The following GRID1 variants were observed in gnomAD, a reference collection of about 807,000 sequenced individuals.
The protein encoded by GRID1 is glutamate ionotropic receptor delta type subunit 1.
Under a neutral mutation model 98.0 loss-of-function variants are expected in GRID1, and 28 were observed. The observed-to-expected ratio is 0.29, with a 90% CI of 0.21 to 0.39. The LOEUF (loss-of-function observed/expected upper bound fraction) is 0.39, where lower values mean the gene tolerates loss of function less well. GRID1 is among the 10% of genes least tolerant of loss of function. The probability of loss-of-function intolerance (pLI) is 1.00; values close to 1 mark genes in which losing one functional copy is unlikely to be tolerated. For synonymous variants in GRID1, 553 were observed against 538.5 expected (o/e 1.03, Z -0.37); for missense variants, 1,111 against 1,340.5 (o/e 0.83, Z 2.67).
chr10:85,618,855 A>G (rs1432382767), intron 14 of GRID1, among the ~76,000 whole-genome samples: 1 of 152,242 alleles, frequency 6.6e-6, no homozygotes, highest in Non-Finnish European at 1.5e-5. Flanking sequence ...TCAGCAACCC[A>G]GATATCCTAG....
chr10:85,963,665 T>C (rs1842300230), intron 4 of GRID1, among the ~76,000 whole-genome samples: 2 of 152,202 alleles, frequency 1.3e-5, no homozygotes, highest in South Asian at 4.1e-4. Flanking sequence ...TCACCATGAT[T>C]CTCCTGGTCA....
chr10:85,685,988 G>T (rs558373046), intron 12 of GRID1, among the ~76,000 whole-genome samples: 1 of 152,084 alleles, frequency 6.6e-6, no homozygotes, highest in Admixed American at 6.6e-5. Context: ...TTCATGAATA[G>T]AAAAACCCAT....
chr10:86,169,592 C>A (rs1269003844), intron 3 of GRID1, among the ~76,000 whole-genome samples: 1 of 152,156 alleles, frequency 6.6e-6, no homozygotes, highest in South Asian at 2.1e-4. Flanking sequence ...GCACACAGGG[C>A]AACCCATAAG....
intron 4 of GRID1, among the ~76,000 whole-genome samples, chr10:85,956,663 CA>C (rs1226633109): frequency 6.6e-6 from 1 of 152,066 alleles, no homozygotes; most frequent in Non-Finnish European, 1.5e-5. Context: ...CAGCACTTTG[CA>C]AACTCTAATC....
chr10:85,686,129 T>G (rs1296628408), intron 12 of GRID1, among the ~76,000 whole-genome samples: 1 of 152,064 alleles, frequency 6.6e-6, no homozygotes, highest in Non-Finnish European at 1.5e-5. Flanking sequence ...AAGATAAGTG[T>G]GACAAGCACA....
intron 4 of GRID1, among the ~76,000 whole-genome samples, chr10:86,078,090 C>T (rs1455283847): frequency 2.0e-5 from 3 of 152,266 alleles, no homozygotes; most frequent in East Asian, 1.9e-4. Context: ...GGCCGGCACT[C>T]ATGCCTCCCT....
At position 86,078,949 on chromosome 10, in the gene GRID1, G is replaced by A. The variant is rs145271155; in HGVS notation, c.726+59870C>T. Among the ~76,000 whole-genome samples, 1,400 of 152,300 alleles carry A rather than the reference G, an allele frequency of 9.2e-3. 17 individuals carry two copies. Among genetic ancestry groups the A allele is most frequent in the Middle Eastern group, 0.017 (5 of 294 alleles). ...TATGTCAGAAGCTGTGTAGACTCAGGTCCACCCTTAAGGGGGCTCAACAGG... is the reference window on the plus strand; with the variant it reads ...TATGTCAGAAGCTGTGTAGACTCAGATCCACCCTTAAGGGGGCTCAACAGG... On this transcript the variant is annotated intron_variant, in intron 4 of 15. Transcript: ENST00000327946.
chr10:86,312,745 C>T (rs1467666104), intron 2 of GRID1, among the ~76,000 whole-genome samples: 1 of 152,242 alleles, frequency 6.6e-6, no homozygotes, highest in East Asian at 1.9e-4. Context: ...ACCTGCACCA[C>T]CCCAGGGGAT....
At chr10:85,831,662 C>T (rs941749335) in intron 8 of GRID1, among the ~76,000 whole-genome samples, 13 of 151,890 alleles carry the variant, frequency 8.6e-5, no homozygotes, top group Admixed American at 2.0e-4. Context: ...ACCAAAAAAA[C>T]GACTAGAAAA....
chr10:85,955,112 C>T (rs961120264), intron 4 of GRID1, among the ~76,000 whole-genome samples: 1 of 152,204 alleles, frequency 6.6e-6, no homozygotes, highest in Non-Finnish European at 1.5e-5. Context: ...CGGATTCCCC[C>T]TGGGTGACTC....
intron 13 of GRID1, among the ~76,000 whole-genome samples, chr10:85,641,251 A>T (rs1437534779): frequency 6.6e-6 from 1 of 152,220 alleles, no homozygotes; most frequent in Non-Finnish European, 1.5e-5. Flanking sequence ...ACTTCATGTG[A>T]TGAAGTTATT....
chr10:85,837,671 T>G (rs1293424062), intron 8 of GRID1, among the ~76,000 whole-genome samples: 2 of 148,214 alleles, frequency 1.3e-5, no homozygotes, highest in Non-Finnish European at 3.0e-5. Flanking sequence ...GTCAGCAACC[T>G]CAAAGATTGA....
intron 2 of GRID1, among the ~76,000 whole-genome samples, chr10:86,259,500 G>A (rs375946858): frequency 2.3e-5 from 1 of 43,978 alleles, no homozygotes; most frequent in Non-Finnish European, 6.8e-5. Flanking sequence ...TTACATACGA[G>A]GTTGTATATT....
chr10:86,282,064 T>C (rs1847365084), intron 2 of GRID1, among the ~76,000 whole-genome samples: 1 of 152,210 alleles, frequency 6.6e-6, no homozygotes, highest in Non-Finnish European at 1.5e-5. Flanking sequence ...GAGTGGCGCC[T>C]TGGACAAGTG....
intron 4 of GRID1, among the ~76,000 whole-genome samples, chr10:85,978,140 A>AC (rs1842497659): frequency 6.6e-6 from 1 of 152,154 alleles, no homozygotes; most frequent in South Asian, 2.1e-4. Flanking sequence ...CGCAGTGGAC[A>AC]TTTTTCCAGT....
At chr10:85,900,781 A>C (rs1360837451) in intron 5 of GRID1, among the ~76,000 whole-genome samples, 1 of 152,194 alleles carries the variant, frequency 6.6e-6, no homozygotes, top group Admixed American at 6.5e-5. Flanking sequence ...AATTCTTATG[A>C]GCATCCCTGG....
intron 13 of GRID1, chr10:85,644,247 G>GTTGTCAAA: frequency 6.6e-6 from 1 of 152,270 alleles, no homozygotes; most frequent in Non-Finnish European, 1.5e-5. Context: ...ATTTCTCCAG[G>GTTGTCAAA]AATGGCTCAC....
intron 8 of GRID1, among the ~76,000 whole-genome samples, chr10:85,826,477 TCA>T (rs1842821362): frequency 1.3e-5 from 2 of 152,144 alleles, no homozygotes; most frequent in Non-Finnish European, 2.9e-5. Flanking sequence ...GTGAACATGT[TCA>T]CAGATGCCAG....
intron 2 of GRID1, among the ~76,000 whole-genome samples, chr10:86,241,691 C>T (rs1338736013): frequency 2.6e-5 from 4 of 152,170 alleles, no homozygotes; most frequent in African/African-American, 4.8e-5. Flanking sequence ...AGGAATGAGC[C>T]TCAATTCCAC....
Sources: gnomAD v4.1 joint callset for allele counts (sites outside exome capture counted in the v4.1 genomes callset) on GRCh38, gnomAD v4.1.1 for gene constraint, MANE v1.5 for transcripts, NCBI Gene and HGNC (gene_info 2026-07-23, HGNC 2026-07-21) for gene names.